PCLO: variants seen among roughly 807,000 people sequenced by gnomAD.
PCLO encodes protein piccolo.
PCLO carries 82 observed loss-of-function variants against 427.5 expected under a neutral mutation model. The observed-to-expected ratio is 0.19, with a 90% CI of 0.16 to 0.23. The LOEUF is 0.23. Ranked by LOEUF, PCLO falls within the 10% of genes least tolerant of loss-of-function variation. The pLI is 1.00. For synonymous variants in PCLO, 2,357 were observed against 2,155.4 expected, an observed-to-expected ratio of 1.09 and a Z score of -2.59; for missense variants, 6,239 against 6,115.9, an observed-to-expected ratio of 1.02 and a Z score of -0.67.
At chr7:82,822,050 A>G in intron 20 of PCLO, 1 of 993,806 alleles carries the variant, frequency 1.0e-6, no homozygotes, top group Non-Finnish European at 1.2e-6. Context: ...GTTTTCAGAT[A>G]CAAGAATCTA....
chr7:82,812,364 A>G (rs544039879), intron 20 of PCLO, among the ~76,000 whole-genome samples: 14 of 151,714 alleles, frequency 9.2e-5, no homozygotes, highest in African/African-American at 2.9e-4. Context: ...GAAAAAATAC[A>G]TGTTGGCTCC....
chr7:83,059,937 T>C (rs1789502479), intron 3 of PCLO, among the ~76,000 whole-genome samples: 1 of 152,190 alleles, frequency 6.6e-6, no homozygotes, highest in South Asian at 2.1e-4. Context: ...TGTAGCATTT[T>C]TTGAGTGGAA....
chr7:82,756,832 A>G lies in PCLO; in HGVS notation c.*1743T>C, dbSNP rs1356967862. 1.3e-5 allele frequency: 2 copies of G among 152,056 alleles called. No individual in the cohort carries two copies. Among genetic ancestry groups the G allele is most frequent in the Non-Finnish European group, 2.9e-5 (2 of 67,974 alleles). The allele number at this position is 152,056 out of a possible 1,614,324, so 9.4% of individuals were successfully genotyped here. A position where few individuals can be genotyped will look rare whatever the true frequency, so the allele number is the denominator to read the frequency against. On this transcript the variant is annotated 3_prime_UTR_variant, in exon 25 of 25. Coordinates refer to ENST00000333891, the MANE Select transcript of PCLO (RefSeq NM_033026.6). ...TTGGGATAGCAAAATTTGCATTTTC[A>G]TGTAATTCTTCACCTTTAGTCAGGT...
At chr7:83,024,575 C>T (rs1788437701) in intron 3 of PCLO, among the ~76,000 whole-genome samples, 1 of 152,150 alleles carries the variant, frequency 6.6e-6, no homozygotes, top group Non-Finnish European at 1.5e-5. Flanking sequence ...ACAAAGCAGC[C>T]AGGAAGCTCG....
In PCLO at chr7:82,954,081, G is replaced by A; in HGVS notation, c.6872C>T (p.Thr2291Ile). ...PEGPVADTVS[T>I]DLLISEKDPV... is the part of the protein sequence containing the mutation. ...GTCCTTTTCAGATATAAGTAAGTCA[G>A]TAGAAACAGTGTCAGCAACTGGCCC... is the stretch of plus-strand genomic sequence containing the variant. Residue 2291 changes from threonine to isoleucine, a missense_variant, in exon 5 of 25, where the codon ACT (threonine) becomes ATT (isoleucine). Physicochemically the swap from Thr to Ile is moderately conservative, Grantham distance 89 (BLOSUM62 -1). Coordinates refer to ENST00000333891, the MANE Select transcript of PCLO (RefSeq NM_033026.6). The A allele has an allele frequency of 1.2e-6, 2 of 1,613,810 alleles. No homozygotes were observed. Among genetic ancestry groups the A allele is most frequent in the Non-Finnish European group, 1.7e-6 (2 of 1,179,828 alleles).
intron 3 of PCLO, among the ~76,000 whole-genome samples, chr7:83,043,454 A>G (rs1269441528): frequency 5.3e-5 from 8 of 152,230 alleles, no homozygotes; most frequent in Non-Finnish European, 1.2e-4. Flanking sequence ...TTTCAAAATA[A>G]CTTCATTTTC....
chr7:82,787,341 T>C (rs1791006543), intron 22 of PCLO, among the ~76,000 whole-genome samples: 2 of 152,200 alleles, frequency 1.3e-5, no homozygotes, highest in African/African-American at 4.8e-5. Context: ...TGACCAGTGA[T>C]GATGAGTTTT....
intron 22 of PCLO, among the ~76,000 whole-genome samples, chr7:82,769,131 T>C (rs772899915): frequency 2.0e-5 from 3 of 152,172 alleles, no homozygotes; most frequent in Non-Finnish European, 4.4e-5. Context: ...ACTGACTTCA[T>C]GGGAATATTC....
intron 3 of PCLO, among the ~76,000 whole-genome samples, chr7:83,036,947 C>G (rs999711662): frequency 6.6e-6 from 1 of 151,850 alleles, no homozygotes; most frequent in Non-Finnish European, 1.5e-5. Flanking sequence ...TTTATGGGAT[C>G]AATGTAATAA....
At chr7:83,100,963 A>G (rs374540232) in intron 3 of PCLO, among the ~76,000 whole-genome samples, 4 of 152,232 alleles carry the variant, frequency 2.6e-5, no homozygotes, top group East Asian at 3.9e-4. Context: ...TTTTTACTAA[A>G]AGTACAAAAT....
rs116402983 is a variant in PCLO, at chr7:82,855,412, A to G, written c.13655-8165T>C. Among the ~76,000 whole-genome samples, 389 of 152,252 alleles carry G rather than the reference A, an allele frequency of 2.6e-3. 1 individual carries two copies. Among genetic ancestry groups the G allele is most frequent in the African/African-American group, 8.8e-3 (367 of 41,562 alleles). The stretch of plus-strand genomic sequence containing the variant: ...ATCAGTAAATAAAAAAACTAATTCA[A>G]CTTATGCCAACTAAGCCTACATGCT... On this transcript the variant is annotated intron_variant, in intron 10 of 24. Coordinates refer to ENST00000333891, the MANE Select transcript of PCLO (RefSeq NM_033026.6).
intron 9 of PCLO, among the ~76,000 whole-genome samples, chr7:82,897,018 T>C (rs1354027559): frequency 1.3e-5 from 2 of 151,562 alleles, no homozygotes; most frequent in African/African-American, 2.4e-5. Flanking sequence ...GAGTTTTAAA[T>C]AAGAAAAAAA....
chr7:82,993,843 C>T (rs1270559914), intron 3 of PCLO, among the ~76,000 whole-genome samples: 1 of 151,998 alleles, frequency 6.6e-6, no homozygotes, highest in African/African-American at 2.4e-5. Flanking sequence ...TTCATTCACT[C>T]ATCTTTTCAC....
Position 82,758,499 on chromosome 7 carries a change from G to T in PCLO, c.*76C>A, listed in dbSNP as rs570671445. 4 of 1,287,156 alleles carry T rather than the reference G, an allele frequency of 3.1e-6. No homozygotes were observed. Among genetic ancestry groups the T allele is most frequent in the East Asian group, 4.8e-5 (2 of 42,020 alleles). 79.7% of individuals were successfully genotyped at this position (1,287,156 alleles called of 1,614,324 possible). ...TGTTTGCCTCTCAAAACTTAGCTTT[G>T]TACAATAGTATTCAACTATAGTCTT... On this transcript the variant is annotated 3_prime_UTR_variant, in exon 25 of 25. Transcript: ENST00000333891.
chr7:82,929,176 G>A (rs1332446954), intron 6 of PCLO, among the ~76,000 whole-genome samples: 1 of 151,824 alleles, frequency 6.6e-6, no homozygotes, highest in Non-Finnish European at 1.5e-5. Flanking sequence ...ATTTAATGGG[G>A]GATAATAAAT....
At chr7:83,008,605 T>C (rs1788004788) in intron 3 of PCLO, among the ~76,000 whole-genome samples, 1 of 151,666 alleles carries the variant, frequency 6.6e-6, no homozygotes. Context: ...CATCTAATGT[T>C]TCCTATCGTG....
rs73385988 is a variant in PCLO at position 82,953,581 on chromosome 7, C to A, written c.7372G>T (p.Ala2458Ser). ...PVTTATPLFD[A>S]VTTLETTAVL... The stretch of plus-strand genomic sequence containing the variant: ...GCTGTGGTCTCTAGAGTAGTAACAG[C>A]ATCAAACAGAGGTGTAGCTGTAGTC... The change falls in exon 5 of 25, where the codon GCT (alanine) becomes TCT (serine). Residue 2458 changes from alanine to serine, a missense_variant. Around this residue, in one of 5 missense-constraint regions of PCLO, gnomAD observed 4,677 missense variants for 4,468.4 expected, o/e 1.05. Coordinates refer to ENST00000333891, the MANE Select transcript of PCLO (RefSeq NM_033026.6). 1 of 1,612,176 alleles carries A rather than the reference C, an allele frequency of 6.2e-7. No homozygotes were observed. Among genetic ancestry groups the A allele is most frequent in the South Asian group, 1.1e-5 (1 of 90,980 alleles).
chr7:82,975,447 T>G lies in PCLO; in HGVS notation c.3301-8960A>C, dbSNP rs188299270. ...CACAGACTAGGGAGTCTGAAATGCA[T>G]AGAAGGTGGGTCACACTAGACTGTC... is the stretch of plus-strand genomic sequence containing the variant. On this transcript the variant is annotated intron_variant, in intron 3 of 24. Transcript: ENST00000333891. 3.3e-5 allele frequency among the ~76,000 whole-genome samples: 5 copies of G among 152,282 alleles called. No individual in the cohort carries two copies. In the East Asian group the frequency reaches 9.7e-4, roughly 29 times the overall value.
chr7:83,040,408 G>A lies in PCLO; in HGVS notation c.3301-73921C>T, dbSNP rs543660165. On this transcript the variant is annotated intron_variant, in intron 3 of 24. Coordinates refer to ENST00000333891, the MANE Select transcript of PCLO (RefSeq NM_033026.6). ...TCTCTTTCAACAGATTACACTAGCT[G>A]TTAAACTCCACTACTTGCAGCGGAT... Among the ~76,000 whole-genome samples the A allele has an allele frequency of 4.6e-5, 7 of 152,194 alleles. No individual in the cohort carries two copies. The East Asian group carries it at 1.4e-3, about 30-fold the overall frequency.
Sources: gnomAD v4.1 joint callset for allele counts (sites outside exome capture counted in the v4.1 genomes callset) on GRCh38, gnomAD v4.1.1 for gene constraint, gnomAD v4.1.1 regional missense constraint, MANE v1.5 for transcripts, NCBI Gene and HGNC (gene_info 2026-07-23, HGNC 2026-07-21) for gene names.